The following DAB1 variants were observed in gnomAD, a reference collection of about 807,000 sequenced individuals.
DAB1 encodes disabled homolog 1.
DAB1 carries 15 observed loss-of-function variants against 64.6 expected under a neutral mutation model. That is an observed-to-expected ratio of 0.23 (90% CI 0.16 to 0.36). The LOEUF is 0.36. DAB1 is among the 10% of genes least tolerant of loss of function. The pLI, the probability that DAB1 is intolerant of heterozygous loss-of-function variation, is 1.00. For synonymous variants in DAB1, 235 were observed against 251.9 expected (o/e 0.93, Z 0.64); for missense variants, 596 against 706.7 (o/e 0.84, Z 1.78).
At chr1:58,364,053 T>C (rs1233605027) in intron 3 of DAB1, among the ~76,000 whole-genome samples, 1 of 152,194 alleles carries the variant, frequency 6.6e-6, no homozygotes, top group Non-Finnish European at 1.5e-5. Context: ...GCAGACTGAG[T>C]GATGTCTGAA....
intron 2 of DAB1, among the ~76,000 whole-genome samples, chr1:57,180,120 C>G (rs548645455): frequency 6.6e-6 from 1 of 152,212 alleles, no homozygotes; most frequent in African/African-American, 2.4e-5. Flanking sequence ...AATCCAAGAA[C>G]AACTTTGTTT....
At position 57,929,764 on chromosome 1, in the gene DAB1, C is replaced by T. The variant is rs943177963; in HGVS notation, n.388-45602G>A. ...CATGCAGGTACAAAGAGGGATCATG[C>T]CTGATGCACACCCTGACATTATAAC... On this transcript the variant is annotated intron_variant and non_coding_transcript_variant, in intron 5 of 20. Transcript: ENST00000485760. Among the ~76,000 whole-genome samples the T allele has an allele frequency of 2.6e-5, 4 of 152,082 alleles. No individual in the cohort carries two copies. In the East Asian group the frequency reaches 7.7e-4, roughly 29 times the overall value.
intron 5 of DAB1, among the ~76,000 whole-genome samples, chr1:58,085,359 A>G (rs555751435): frequency 3.5e-4 from 54 of 152,156 alleles, no homozygotes; most frequent in Non-Finnish European, 6.8e-4. Context: ...TCAAAACATT[A>G]TGTATAACTT....
intron 4 of DAB1, among the ~76,000 whole-genome samples, chr1:58,285,956 A>T (rs1412383453): frequency 2.0e-5 from 3 of 152,232 alleles, no homozygotes; most frequent in Non-Finnish European, 4.4e-5. Context: ...TGGTACTGGT[A>T]TAAAAACAGA....
intron 5 of DAB1, among the ~76,000 whole-genome samples, chr1:57,949,927 A>G (rs1229634623): frequency 1.3e-5 from 2 of 152,114 alleles, no homozygotes; most frequent in Non-Finnish European, 2.9e-5. Flanking sequence ...AAGTCCTAGG[A>G]ATTGTGTATA....
chr1:58,430,808 C>T (rs1478395153), intron 3 of DAB1, among the ~76,000 whole-genome samples: 1 of 152,190 alleles, frequency 6.6e-6, no homozygotes, highest in Non-Finnish European at 1.5e-5. Context: ...TGGCTCAGGA[C>T]TGACAACTTG....
At chr1:57,403,239 G>A (rs543278121) in intron 1 of DAB1, among the ~76,000 whole-genome samples, 1 of 152,254 alleles carries the variant, frequency 6.6e-6, no homozygotes, top group Admixed American at 6.5e-5. Flanking sequence ...GCCATTCTGT[G>A]GATCCATTGG....
chr1:58,323,277 T>A (rs1204330648), intron 4 of DAB1, among the ~76,000 whole-genome samples: 1 of 151,602 alleles, frequency 6.6e-6, no homozygotes, highest in Non-Finnish European at 1.5e-5. Flanking sequence ...AAAATATTCA[T>A]CACTCTCCTT....
At chr1:57,632,762 A>G (rs1471606314) in intron 7 of DAB1, among the ~76,000 whole-genome samples, 1 of 152,242 alleles carries the variant, frequency 6.6e-6, no homozygotes, top group African/African-American at 2.4e-5. Context: ...AGAATGGAGT[A>G]AAATAACAGA....
intron 4 of DAB1, among the ~76,000 whole-genome samples, chr1:57,115,139 C>A (rs1311969878): frequency 1.3e-5 from 2 of 152,114 alleles, no homozygotes; most frequent in African/African-American, 2.4e-5. Context: ...GGAGGCAATG[C>A]ATTTACTGCA....
chr1:58,446,537 G>A (rs965761370), intron 3 of DAB1, among the ~76,000 whole-genome samples: 2 of 152,148 alleles, frequency 1.3e-5, no homozygotes, highest in African/African-American at 4.8e-5. Context: ...AAAGGGCTGG[G>A]GGTGGGGTGG....
At chr1:57,836,283 A>C (rs945715592) in intron 1 of DAB1, among the ~76,000 whole-genome samples, 3 of 152,240 alleles carry the variant, frequency 2.0e-5, no homozygotes, top group African/African-American at 7.2e-5. Context: ...AATCTGAGGT[A>C]AAGAAAGGTT....
chr1:58,175,906 A>G (rs1656446763), intron 4 of DAB1, among the ~76,000 whole-genome samples: 1 of 152,226 alleles, frequency 6.6e-6, no homozygotes, highest in Non-Finnish European at 1.5e-5. Flanking sequence ...CACACCATAA[A>G]AAATATATAA....
chr1:58,478,364 CA>C (rs1423334482), intron 3 of DAB1, among the ~76,000 whole-genome samples: 1 of 152,150 alleles, frequency 6.6e-6, no homozygotes, highest in Non-Finnish European at 1.5e-5. Flanking sequence ...GTCTTTATAG[CA>C]GTGTGAAAAT....
chr1:57,925,869 G>C (rs1470683919), intron 5 of DAB1, among the ~76,000 whole-genome samples: 2 of 152,204 alleles, frequency 1.3e-5, no homozygotes, highest in African/African-American at 2.4e-5. Context: ...AACGCTCACA[G>C]ACTGATGAGC....
chr1:57,426,347 C>G (rs956314492), upstream of DAB1, among the ~76,000 whole-genome samples: 2 of 152,190 alleles, frequency 1.3e-5, no homozygotes, highest in Admixed American at 1.3e-4. Flanking sequence ...ACAGGGGTAA[C>G]AAGCAAAGCT....
intron 9 of DAB1, chr1:57,033,243 T>C: frequency 1.2e-6 from 1 of 842,580 alleles, no homozygotes; most frequent in South Asian, 1.5e-5. Flanking sequence ...CCACCAATAG[T>C]CTTCCTGGGG....
intron 3 of DAB1, among the ~76,000 whole-genome samples, chr1:58,480,369 C>G (rs1308448942): frequency 6.6e-6 from 1 of 152,084 alleles, no homozygotes; most frequent in African/African-American, 2.4e-5. Context: ...TGGAAATGCC[C>G]TCTCCCCCAA....
chr1:57,583,435 C>T (rs566969113), intron 7 of DAB1, among the ~76,000 whole-genome samples: 93 of 151,904 alleles, frequency 6.1e-4, no homozygotes, highest in South Asian at 2.1e-3. Context: ...TACACGCGCG[C>T]GCCAATATGC....
Sources: gnomAD v4.1 joint callset for allele counts (sites outside exome capture counted in the v4.1 genomes callset) on GRCh38, gnomAD v4.1.1 for gene constraint, MANE v1.5 for transcripts, NCBI Gene and HGNC (gene_info 2026-07-23, HGNC 2026-07-21) for gene names.